The following PTPRO variants were observed in gnomAD, a reference collection of about 807,000 sequenced individuals.
PTPRO encodes the protein receptor-type tyrosine-protein phosphatase O.
Under a neutral mutation model 145.2 loss-of-function variants are expected in PTPRO, and 62 were observed. That is an observed-to-expected ratio of 0.43 (90% CI 0.35 to 0.53). The LOEUF is 0.53. Among genes scored for constraint, PTPRO ranks in the 20% least tolerant of loss-of-function variants. PTPRO has a pLI of 0.01. For synonymous variants in PTPRO, 565 were observed against 514.7 expected, an observed-to-expected ratio of 1.10 and a Z score of -1.32; for missense variants, 1,345 against 1,482.7, an observed-to-expected ratio of 0.91 and a Z score of 1.53.
At chr12:15,458,033 A>T (rs1021635668) in intron 1 of PTPRO, among the ~76,000 whole-genome samples, 1 of 152,178 alleles carries the variant, frequency 6.6e-6, no homozygotes, top group South Asian at 2.1e-4. Flanking sequence ...TTTCTTGTAA[A>T]GCAGTTCCGG....
intron 1 of PTPRO, among the ~76,000 whole-genome samples, chr12:15,418,554 T>C (rs984375282): frequency 5.9e-5 from 9 of 151,772 alleles, no homozygotes; most frequent in African/African-American, 2.2e-4. Flanking sequence ...AGGAAGGTTT[T>C]ATGAGGAAAA....
At chr12:15,578,138 C>A (rs1944226629) in intron 19 of PTPRO, among the ~76,000 whole-genome samples, 1 of 152,132 alleles carries the variant, frequency 6.6e-6, no homozygotes, top group Admixed American at 6.5e-5. Context: ...CTGTTAATCC[C>A]ATACTTTGTA....
At chr12:15,535,775 T>C (rs545145433) in intron 12 of PTPRO, among the ~76,000 whole-genome samples, 1 of 152,378 alleles carries the variant, frequency 6.6e-6, no homozygotes, top group South Asian at 2.1e-4. Flanking sequence ...TACCCACTTT[T>C]GTGACTTTCC....
intron 1 of PTPRO, among the ~76,000 whole-genome samples, chr12:15,403,575 T>G (rs1170881637): frequency 1.3e-5 from 2 of 152,036 alleles, no homozygotes; most frequent in African/African-American, 4.8e-5. Flanking sequence ...AGAGCGAGAC[T>G]CCGTCTCAAA....
chr12:15,521,443 A>G (rs1942719580), intron 10 of PTPRO, among the ~76,000 whole-genome samples: 1 of 152,178 alleles, frequency 6.6e-6, no homozygotes, highest in South Asian at 2.1e-4. Context: ...AATGATAATC[A>G]CATATTTAAT....
chr12:15,549,342 A>T, intron 14 of PTPRO, 116 bp downstream of exon 14: 1 of 842,044 alleles, frequency 1.2e-6, no homozygotes, highest in South Asian at 4.0e-5. Context: ...AGAGTCCTTA[A>T]TTTCAATCCC....
At position 15,565,591 on chromosome 12, in the gene PTPRO, A is replaced by C. The variant is rs1943877810; in HGVS notation, c.2712-2A>C. On this transcript the variant is annotated splice_acceptor_variant, in intron 17 of 26. Coordinates refer to ENST00000281171, the MANE Select transcript of PTPRO (RefSeq NM_030667.3). LOFTEE classifies it high-confidence loss of function. Reference sequence around the variant, plus strand: ...ATTTGTCTTTTCTTTTTTAATTATCAGGAGTAAAAATGGTTTAAAGAAGAG... The same window carrying C: ...ATTTGTCTTTTCTTTTTTAATTATCCGGAGTAAAAATGGTTTAAAGAAGAG... The C allele has an allele frequency of 6.9e-7, 1 of 1,451,380 alleles. No individual in the cohort carries two copies. Among genetic ancestry groups the C allele is most frequent in the Non-Finnish European group, 9.6e-7 (1 of 1,036,356 alleles). The allele number at this position is 1,451,380 out of a possible 1,614,324, so 89.9% of individuals were successfully genotyped here.
At chr12:15,339,705 TTGTAAC>T (rs1278203611) in intron 1 of PTPRO, among the ~76,000 whole-genome samples, 1 of 152,130 alleles carries the variant, frequency 6.6e-6, no homozygotes, top group Non-Finnish European at 1.5e-5. Flanking sequence ...CAGAGACAAG[TTGTAAC>T]TGTCAGCATA....
intron 1 of PTPRO, among the ~76,000 whole-genome samples, chr12:15,360,973 C>A (rs986840635): frequency 8.6e-6 from 1 of 116,498 alleles, no homozygotes; most frequent in African/African-American, 2.9e-5. Context: ...TATATACACA[C>A]GTATATATAC....
At chr12:15,336,973 T>G (rs1044478538) in intron 1 of PTPRO, among the ~76,000 whole-genome samples, 1 of 152,192 alleles carries the variant, frequency 6.6e-6, no homozygotes, top group Non-Finnish European at 1.5e-5. Context: ...GGAATTGGCA[T>G]GTGATCTAAG....
rs370419176 is a variant in PTPRO, at chr12:15,322,813, C to T, written c.75+12C>T. 1.2e-5 allele frequency: 19 copies of T among 1,609,988 alleles called. No individual in the cohort carries two copies. The African/African-American group carries it at 2.4e-4, about 20-fold the overall frequency. ...TTGTGCTGTTCAAGGTAGGGGAGCT[C>T]CTCCACCCCTTTTTCCCAGCGGTCC... On this transcript the variant is annotated intron_variant, in intron 1 of 26. Transcript: ENST00000281171. This position sits in a 1 kb window ranked among gnomAD's most constrained non-coding sequence, Gnocchi z 6.3.
chr12:15,579,902 G>A, intron 20 of PTPRO, 137 bp from the exon 21 acceptor site: 1 of 697,898 alleles, frequency 1.4e-6, no homozygotes, highest in Non-Finnish European at 2.5e-6. Context: ...TTGAAGAATA[G>A]CTAAAATATC....
At chr12:15,442,756 C>T (rs369919736) in intron 1 of PTPRO, among the ~76,000 whole-genome samples, 1 of 151,610 alleles carries the variant, frequency 6.6e-6, no homozygotes, top group Non-Finnish European at 1.5e-5. Flanking sequence ...GCCACACACA[C>T]AAAAAAATAC....
intron 1 of PTPRO, among the ~76,000 whole-genome samples, chr12:15,367,204 T>C (rs1042287026): frequency 4.6e-5 from 7 of 152,190 alleles, no homozygotes; most frequent in Non-Finnish European, 8.8e-5. Flanking sequence ...TAAGAAAATT[T>C]ATAGGCAAAC....
chr12:15,460,995 C>T (rs1374051695), intron 1 of PTPRO, among the ~76,000 whole-genome samples: 1 of 152,174 alleles, frequency 6.6e-6, no homozygotes, highest in Non-Finnish European at 1.5e-5. Flanking sequence ...TAAATTTTAA[C>T]TTGAGACACC....
At position 15,501,979 on chromosome 12, in the gene PTPRO, T is replaced by G. The variant is rs1942231532; in HGVS notation, c.1021T>G (p.Phe341Val). 6.2e-7 allele frequency: 1 copy of G among 1,614,024 alleles called. No homozygotes were observed. The highest frequency in any genetic ancestry group is 8.5e-7 in the Non-Finnish European group (1 of 1,179,916). Residue 341 changes from phenylalanine to valine, a missense_variant, in exon 5 of 27, where the codon TTC becomes GTC. This residue lies in a region of PTPRO where 1,130 missense variants were observed against 1,214.7 expected (regional missense o/e 0.93). Transcript: ENST00000281171. ...EKSTSGSFSFFPVQMILTWLP... is the reference protein window; with the variant it reads ...EKSTSGSFSFVPVQMILTWLP... ...GTCAACATCAGGCTCTTTCTCCTTTTTCCCTGTGCAAATGATATTGACCTG... is the reference window on the plus strand; with the variant it reads ...GTCAACATCAGGCTCTTTCTCCTTTGTCCCTGTGCAAATGATATTGACCTG...
At chr12:15,439,451 A>T (rs894769472) in intron 1 of PTPRO, 2 of 191,780 alleles carry the variant, frequency 1.0e-5, no homozygotes, top group African/African-American at 2.4e-5. Flanking sequence ...AATGGTCTCA[A>T]TGCACGACCT....
chr12:15,449,057 C>G (rs954369694), intron 1 of PTPRO, among the ~76,000 whole-genome samples: 4 of 151,784 alleles, frequency 2.6e-5, no homozygotes, highest in Non-Finnish European at 4.4e-5. Context: ...AATAGGGCAT[C>G]CCCCAGAATC....
intron 10 of PTPRO, among the ~76,000 whole-genome samples, chr12:15,521,581 T>C (rs1942722868): frequency 6.6e-6 from 1 of 152,194 alleles, no homozygotes; most frequent in Non-Finnish European, 1.5e-5. Context: ...CATCTCAACC[T>C]GGGACTGCTC....
Sources: gnomAD v4.1 joint callset for allele counts (sites outside exome capture counted in the v4.1 genomes callset) on GRCh38, gnomAD v4.1.1 for gene constraint, gnomAD v4.1.1 regional missense constraint, Gnocchi (gnomAD v3.1) non-coding constraint, MANE v1.5 for transcripts, NCBI Gene and HGNC (gene_info 2026-07-23, HGNC 2026-07-21) for gene names.